KCNMA1: variants seen among roughly 807,000 people sequenced by gnomAD.
KCNMA1 encodes the protein Calcium-activated potassium channel subunit alpha-1.
A neutral mutation model predicts 140.0 loss-of-function variants in KCNMA1; 29 were observed. That is an observed-to-expected ratio of 0.21 (90% confidence interval 0.15 to 0.28). The LOEUF (loss-of-function observed/expected upper bound fraction) is 0.28. Ranked by LOEUF, KCNMA1 falls within the 10% of genes least tolerant of loss-of-function variation. The pLI is 1.00. For missense variants in KCNMA1, 880 were observed against 1,602.2 expected (o/e 0.55, Z 7.70); for synonymous variants, 612 against 611.9 (o/e 1.00, Z 0.00).
chr10:77,120,779 C>T (rs1443596248), intron 6 of KCNMA1, among the ~76,000 whole-genome samples, 194 bp downstream of exon 6: 1 of 152,162 alleles, frequency 6.6e-6, no homozygotes, highest in African/African-American at 2.4e-5. Flanking sequence ...CTTTTCACCA[C>T]ATAGTTCCCT....
At chr10:77,160,093 G>A (rs970748180) in intron 5 of KCNMA1, among the ~76,000 whole-genome samples, 2 of 150,564 alleles carry the variant, frequency 1.3e-5, no homozygotes, top group Admixed American at 1.3e-4. Flanking sequence ...GTCCCTAACA[G>A]GGTAACTGGG....
intron 1 of KCNMA1, among the ~76,000 whole-genome samples, chr10:77,485,051 A>C (rs1380434931): frequency 6.6e-6 from 1 of 151,740 alleles, no homozygotes; most frequent in Non-Finnish European, 1.5e-5. Context: ...TCTAAGACTC[A>C]CTCTCTCCTT....
intron 3 of KCNMA1, among the ~76,000 whole-genome samples, chr10:77,243,818 G>A (rs968308302): frequency 1.3e-5 from 2 of 152,140 alleles, no homozygotes; most frequent in African/African-American, 2.4e-5. Context: ...CCAACTCCAT[G>A]CTGAAACAGT....
intron 9 of KCNMA1, chr10:77,091,164 A>T (rs2096805323): frequency 6.5e-6 from 1 of 153,792 alleles, no homozygotes; most frequent in Admixed American, 6.4e-5. Context: ...TGCCTATGGA[A>T]TGGAAGATCA....
chr10:76,977,226 A>G (rs547065622), intron 19 of KCNMA1, among the ~76,000 whole-genome samples: 6 of 152,180 alleles, frequency 3.9e-5, no homozygotes, highest in Non-Finnish European at 7.3e-5. Flanking sequence ...CTGGGCACCA[A>G]CAGCTGCTTC....
intron 19 of KCNMA1, chr10:76,978,304 T>C (rs867418710): frequency 1.3e-5 from 2 of 152,228 alleles, no homozygotes; most frequent in African/African-American, 4.8e-5. Context: ...CACAAGATTA[T>C]AGGCTTAATC....
intron 18 of KCNMA1, among the ~76,000 whole-genome samples, chr10:77,010,484 C>T (rs2090437876): frequency 1.3e-5 from 2 of 151,858 alleles, no homozygotes; most frequent in Admixed American, 1.3e-4. Flanking sequence ...AAATTAGAGG[C>T]TCTTGTTTTG....
chr10:76,985,996 C>T (rs2081169695), intron 19 of KCNMA1, among the ~76,000 whole-genome samples: 1 of 152,104 alleles, frequency 6.6e-6, no homozygotes, highest in Non-Finnish European at 1.5e-5. Flanking sequence ...AACAAATAAA[C>T]CTCAAATGGG....
At chr10:77,408,675 G>A (rs938071912) in intron 1 of KCNMA1, among the ~76,000 whole-genome samples, 2 of 152,182 alleles carry the variant, frequency 1.3e-5, no homozygotes, top group African/African-American at 4.8e-5. Flanking sequence ...GGAAAAGAAA[G>A]GAACATGGAG....
chr10:77,010,937 C>A (rs1370350780), intron 18 of KCNMA1, among the ~76,000 whole-genome samples: 3 of 151,962 alleles, frequency 2.0e-5, no homozygotes, highest in African/African-American at 7.2e-5. Flanking sequence ...TCAATAGAGG[C>A]CTTCAGGTGT....
At chr10:77,226,807 C>T (rs1437610919) in intron 3 of KCNMA1, among the ~76,000 whole-genome samples, 1 of 152,038 alleles carries the variant, frequency 6.6e-6, no homozygotes, top group African/African-American at 2.4e-5. Flanking sequence ...AGGGGGCTAC[C>T]GGGACAGCCA....
intron 25 of KCNMA1, among the ~76,000 whole-genome samples, chr10:76,900,158 A>G (rs2044484497): frequency 6.6e-6 from 1 of 152,068 alleles, no homozygotes; most frequent in South Asian, 2.1e-4. Flanking sequence ...ATTAAACTTT[A>G]TAATGTACAC....
chr10:77,424,169 C>T (rs935138403), intron 1 of KCNMA1, among the ~76,000 whole-genome samples: 5 of 152,202 alleles, frequency 3.3e-5, no homozygotes, highest in Non-Finnish European at 7.3e-5. Context: ...CCTTTGAAAC[C>T]TCAGGTTTCT....
At chr10:77,407,686 G>A (rs1175988537) in intron 1 of KCNMA1, among the ~76,000 whole-genome samples, 2 of 152,146 alleles carry the variant, frequency 1.3e-5, no homozygotes, top group Non-Finnish European at 2.9e-5. Flanking sequence ...ATCAACCCTT[G>A]AGTCTCAGCC....
chr10:77,107,624 G>A (rs1238159682), intron 9 of KCNMA1, among the ~76,000 whole-genome samples: 1 of 152,218 alleles, frequency 6.6e-6, no homozygotes, highest in African/African-American at 2.4e-5. Context: ...GAGTGATAAA[G>A]TGATCTGAGC....
chr10:77,026,293 C>A (rs1431899677), intron 16 of KCNMA1, among the ~76,000 whole-genome samples: 3 of 152,170 alleles, frequency 2.0e-5, no homozygotes, highest in Non-Finnish European at 4.4e-5. Context: ...AAACACTATG[C>A]AGCATCAGCA....
intron 15 of KCNMA1, among the ~76,000 whole-genome samples, chr10:77,038,195 C>T (rs977078076): frequency 1.3e-4 from 20 of 152,078 alleles, no homozygotes; most frequent in Non-Finnish European, 5.9e-5. Context: ...AGCCACCAAG[C>T]GCTCCGCCTC....
intron 14 of KCNMA1, among the ~76,000 whole-genome samples, chr10:77,043,381 G>A (rs1199877915): frequency 1.3e-5 from 2 of 152,222 alleles, no homozygotes; most frequent in African/African-American, 2.4e-5. Context: ...CTCAAGCAAT[G>A]TATGTAGTTG....
chr10:76,886,454 T>C lies in KCNMA1; in HGVS notation c.*812A>G, dbSNP rs1215499958. On this transcript the variant is annotated 3_prime_UTR_variant, in exon 28 of 28. Transcript: ENST00000286628. ...GTGAAAGAAAAAAAATAGCTATTCATATGGCAACATAAGGAGACAGAATAA... is the reference window on the plus strand; with the variant it reads ...GTGAAAGAAAAAAAATAGCTATTCACATGGCAACATAAGGAGACAGAATAA... 1.0e-6 allele frequency: 1 copy of C among 984,942 alleles called. No homozygotes were observed. The highest frequency in any genetic ancestry group is 1.2e-6 in the Non-Finnish European group (1 of 829,604). The allele number at this position is 984,942 out of a possible 1,614,324, so 61.0% of individuals were successfully genotyped here. A position where few individuals can be genotyped will look rare whatever the true frequency, so the allele number is the denominator to read the frequency against.
Sources: allele counts gnomAD v4.1 joint callset (sites outside exome capture counted in the v4.1 genomes callset), GRCh38; gene constraint gnomAD v4.1.1; transcripts MANE v1.5; gene names NCBI Gene and HGNC (gene_info 2026-07-23, HGNC 2026-07-21).